The following INO80 variants were observed in gnomAD, a reference collection of about 807,000 sequenced individuals.
INO80 encodes the protein chromatin-remodeling ATPase INO80.
INO80 carries 20 observed loss-of-function variants against 203.4 expected under a neutral mutation model. The observed-to-expected ratio is 0.10, with a 90% CI of 0.07 to 0.14. INO80 has a LOEUF of 0.14. INO80 is among the 10% of genes least tolerant of loss of function. The pLI is 1.00. For missense variants in INO80, 1,419 were observed against 1,914.4 expected (o/e 0.74, Z 4.83); for synonymous variants, 726 against 685.2 (o/e 1.06, Z -0.93).
At chr15:41,085,955 G>A (rs57902964) in intron 6 of INO80, among the ~76,000 whole-genome samples, 11,133 of 152,130 alleles carry the variant, frequency 0.073, 1,178 homozygotes, top group African/African-American at 0.24. Flanking sequence ...CACCTCCCAG[G>A]TTCAAGCGAT....
intron 28 of INO80, among the ~76,000 whole-genome samples, chr15:40,998,610 A>G (rs935453954): frequency 2.0e-5 from 3 of 152,074 alleles, no homozygotes; most frequent in Admixed American, 6.6e-5. Flanking sequence ...TATTTACGGA[A>G]TGTCTTCTGG....
At chr15:41,005,112 T>G (rs2044018598) in intron 28 of INO80, among the ~76,000 whole-genome samples, 2 of 150,270 alleles carry the variant, frequency 1.3e-5, no homozygotes, top group South Asian at 4.2e-4. Flanking sequence ...CAAGAATTGT[T>G]TGAACCGGGG....
At chr15:41,001,204 GGT>G (rs1235853046) in intron 28 of INO80, among the ~76,000 whole-genome samples, 2 of 152,116 alleles carry the variant, frequency 1.3e-5, no homozygotes, top group Non-Finnish European at 2.9e-5. Flanking sequence ...TGGTGGTCTG[GGT>G]GCCCTCTCTA....
At chr15:41,052,351 T>C (rs1489778279) in intron 19 of INO80, among the ~76,000 whole-genome samples, 2 of 152,106 alleles carry the variant, frequency 1.3e-5, no homozygotes, top group Non-Finnish European at 2.9e-5. Context: ...GTTCTACTCC[T>C]CTCTTTGAAG....
Position 41,039,131 on chromosome 15 carries a change from T to C in INO80, c.2907+5773A>G, listed in dbSNP as rs2044628809. Among the ~76,000 whole-genome samples the C allele has an allele frequency of 2.0e-5, 3 of 152,198 alleles. No individual in the cohort carries two copies. The South Asian group carries it at 6.2e-4, about 32-fold the overall frequency. Reference sequence around the variant, plus strand: ...ATTATGTTCCTCCTATCCAAATCTCTACCACTCAAAATCCAACTTTTTCAA... The same window carrying C: ...ATTATGTTCCTCCTATCCAAATCTCCACCACTCAAAATCCAACTTTTTCAA... On this transcript the variant is annotated intron_variant, in intron 24 of 35. Transcript: ENST00000648947.
chr15:41,107,999 C>T (rs975226431), intron 1 of INO80, among the ~76,000 whole-genome samples: 2 of 152,024 alleles, frequency 1.3e-5, no homozygotes, highest in Non-Finnish European at 2.9e-5. Context: ...ACTAGGGAGA[C>T]TGAGGCAGGA....
intron 29 of INO80, among the ~76,000 whole-genome samples, chr15:40,992,147 C>T (rs1348453542): frequency 6.6e-6 from 1 of 152,178 alleles, no homozygotes; most frequent in Non-Finnish European, 1.5e-5. Context: ...GCTTTTTCTC[C>T]CAAGAGAATA....
chr15:41,073,620 G>C (rs192469554), intron 10 of INO80, 125 bp from the exon 11 acceptor site: 5 of 795,972 alleles, frequency 6.3e-6, no homozygotes, highest in African/African-American at 5.1e-5. Context: ...CACGGAGGGT[G>C]GGGGAAGAGA....
intron 24 of INO80, among the ~76,000 whole-genome samples, chr15:41,040,363 T>C (rs2044648193): frequency 6.6e-6 from 1 of 152,192 alleles, no homozygotes; most frequent in Non-Finnish European, 1.5e-5. Context: ...AGAGTAGCAC[T>C]GGTTCAAGGA....
At chr15:41,105,071 C>T (rs1228535941) in intron 1 of INO80, among the ~76,000 whole-genome samples, 1 of 152,146 alleles carries the variant, frequency 6.6e-6, no homozygotes, top group Non-Finnish European at 1.5e-5. Context: ...ATGAGTTGAA[C>T]TGTACACTAA....
At chr15:41,027,865 T>C in intron 24 of INO80, 129 bp from the exon 25 acceptor site, 1 of 623,700 alleles carries the variant, frequency 1.6e-6, no homozygotes, top group South Asian at 2.6e-5. Context: ...TTAATTCTAA[T>C]AAACAACCAC....
rs201076196 is a variant in INO80, at chr15:41,085,432, A to G, written c.810T>C (p.Ile270=). 109 of 1,614,256 alleles carry G rather than the reference A, an allele frequency of 6.8e-5. No homozygotes were observed. Among genetic ancestry groups the G allele is most frequent in the Non-Finnish European group, 9.0e-5 (106 of 1,180,040 alleles). Residue 270 remains isoleucine, a synonymous_variant, in exon 7 of 36, where the codon ATT becomes ATC. Coordinates refer to ENST00000648947, the MANE Select transcript of INO80 (RefSeq NM_017553.3). ...PPGTKKKHLS[I]EQLNARRRKV... The stretch of plus-strand genomic sequence containing the variant: ...TCCTGCGACGAGCATTCAGCTGCTC[A>G]ATGGATAAGTGCTTTTTCTTAGTGC...
chr15:41,084,889 G>A (rs1366678664), intron 7 of INO80, among the ~76,000 whole-genome samples: 3 of 152,200 alleles, frequency 2.0e-5, no homozygotes, highest in South Asian at 2.1e-4. Context: ...AACATGTGCC[G>A]CTACGCCCAG....
chr15:41,058,352 T>C (rs1474325279), intron 16 of INO80, among the ~76,000 whole-genome samples: 2 of 152,252 alleles, frequency 1.3e-5, no homozygotes, highest in Admixed American at 1.3e-4. Context: ...GCAGAGATCA[T>C]GTCACGTCAT....
intron 19 of INO80, among the ~76,000 whole-genome samples, chr15:41,052,363 G>A (rs187796627): frequency 2.6e-5 from 4 of 152,142 alleles, no homozygotes; most frequent in African/African-American, 9.6e-5. Context: ...TCTTTGAAGA[G>A]GATATATATA....
intron 24 of INO80, among the ~76,000 whole-genome samples, chr15:41,039,812 C>G (rs2044640750): frequency 6.6e-6 from 1 of 152,190 alleles, no homozygotes; most frequent in South Asian, 2.1e-4. Flanking sequence ...ACTGAGTCTC[C>G]ACTCTACCAC....
At chr15:41,099,288 CA>C (rs1372929697) in intron 1 of INO80, among the ~76,000 whole-genome samples, 7 of 105,730 alleles carry the variant, frequency 6.6e-5, no homozygotes, top group Non-Finnish European at 1.4e-4. Flanking sequence ...CACACACACA[CA>C]ACAAGAGAGT....
At chr15:41,041,124 T>A (rs1157171105) in intron 24 of INO80, among the ~76,000 whole-genome samples, 1 of 152,194 alleles carries the variant, frequency 6.6e-6, no homozygotes, top group Non-Finnish European at 1.5e-5. Flanking sequence ...CAGAGTGCAG[T>A]GGTGGGATCA....
intron 23 of INO80, among the ~76,000 whole-genome samples, chr15:41,045,778 G>A (rs1215792457): frequency 1.3e-5 from 2 of 151,676 alleles, no homozygotes; most frequent in East Asian, 3.9e-4. Flanking sequence ...GTGCACGCCT[G>A]TAATCCCAGC....
Sources: gnomAD v4.1 joint callset for allele counts (sites outside exome capture counted in the v4.1 genomes callset) on GRCh38, gnomAD v4.1.1 for gene constraint, MANE v1.5 for transcripts, NCBI Gene and HGNC (gene_info 2026-07-23, HGNC 2026-07-21) for gene names.